OPCML: variants seen among roughly 807,000 people sequenced by gnomAD.
OPCML encodes opioid-binding protein/cell adhesion molecule.
Under a neutral mutation model 37.8 loss-of-function variants are expected in OPCML, and 13 were observed. That is an observed-to-expected ratio of 0.34 (90% CI 0.22 to 0.55). The LOEUF (loss-of-function observed/expected upper bound fraction) is 0.55. OPCML is among the 20% of genes least tolerant of loss of function. OPCML has a pLI of 0.91. For synonymous variants in OPCML, 176 were observed against 168.8 expected (o/e 1.04, Z -0.33); for missense variants, 341 against 435.6 (o/e 0.78, Z 1.93).
chr11:132,804,608 G>A (rs1938887622), intron 2 of OPCML, among the ~76,000 whole-genome samples: 1 of 152,190 alleles, frequency 6.6e-6, no homozygotes, highest in South Asian at 2.1e-4. Flanking sequence ...ACGAAGTCTA[G>A]TTGAGAGACC....
chr11:132,808,538 AT>A (rs1006169469), intron 2 of OPCML, among the ~76,000 whole-genome samples: 1 of 152,172 alleles, frequency 6.6e-6, no homozygotes, highest in East Asian at 1.9e-4. Context: ...GGGTTAACAC[AT>A]TTTTTTCCCA....
intron 4 of OPCML, among the ~76,000 whole-genome samples, chr11:132,498,081 T>C (rs2096237018): frequency 1.3e-5 from 2 of 152,214 alleles, no homozygotes; most frequent in Admixed American, 6.5e-5. Flanking sequence ...ACATATTCTA[T>C]ATTTTTATAG....
At chr11:133,329,830 T>C (rs1298902018) in intron 1 of OPCML, among the ~76,000 whole-genome samples, 3 of 152,058 alleles carry the variant, frequency 2.0e-5, no homozygotes, top group Non-Finnish European at 4.4e-5. Flanking sequence ...AAGCTAAAAT[T>C]GACAAATGAG....
intron 2 of OPCML, among the ~76,000 whole-genome samples, chr11:132,833,766 C>T (rs756648209): frequency 3.9e-5 from 6 of 152,166 alleles, no homozygotes; most frequent in Admixed American, 6.5e-5. Flanking sequence ...CCATTATAAT[C>T]ATATGGGACC....
intron 2 of OPCML, among the ~76,000 whole-genome samples, chr11:132,852,883 GA>G (rs2136333818): frequency 6.8e-6 from 1 of 147,550 alleles, no homozygotes; most frequent in South Asian, 2.2e-4. Flanking sequence ...ATCTTTTATT[GA>G]AAAAATTTTA....
intron 2 of OPCML, among the ~76,000 whole-genome samples, chr11:132,680,120 T>C (rs1201366601): frequency 6.6e-6 from 1 of 152,206 alleles, no homozygotes; most frequent in Admixed American, 6.5e-5. Flanking sequence ...TCAGGTGCTG[T>C]GAACCATTCT....
At chr11:132,989,520 T>G (rs1216887419) in intron 1 of OPCML, among the ~76,000 whole-genome samples, 3 of 151,854 alleles carry the variant, frequency 2.0e-5, no homozygotes, top group Non-Finnish European at 2.9e-5. Flanking sequence ...TTCTGAATGA[T>G]GGCTAAGGTA....
At chr11:132,784,494 T>G in intron 2 of OPCML, among the ~76,000 whole-genome samples, 1 of 152,168 alleles carries the variant, frequency 6.6e-6, no homozygotes, top group East Asian at 1.9e-4. Flanking sequence ...ACACAAGTGA[T>G]GGTGGCTGAC....
chr11:133,517,014 C>T (rs923753092), intron 1 of OPCML, among the ~76,000 whole-genome samples: 2 of 152,136 alleles, frequency 1.3e-5, no homozygotes, highest in African/African-American at 2.4e-5. Flanking sequence ...CATCCCCACG[C>T]GAAGTCCCAG....
chr11:133,446,601 T>G (rs975015905), intron 1 of OPCML, among the ~76,000 whole-genome samples: 4 of 152,120 alleles, frequency 2.6e-5, no homozygotes, highest in African/African-American at 9.7e-5. Context: ...CTAATGATCT[T>G]TAGTAAATTT....
At chr11:132,487,193 G>T (rs1301980143) in intron 4 of OPCML, among the ~76,000 whole-genome samples, 4 of 152,156 alleles carry the variant, frequency 2.6e-5, no homozygotes, top group South Asian at 2.1e-4. Context: ...GTTGACTCGG[G>T]TCACTGAGAG....
At chr11:133,023,067 T>C (rs942764857) in intron 1 of OPCML, among the ~76,000 whole-genome samples, 2 of 152,192 alleles carry the variant, frequency 1.3e-5, no homozygotes, top group Non-Finnish European at 2.9e-5. Flanking sequence ...GAAACACTGT[T>C]CTCAGATGAG....
At chr11:133,055,000 G>A (rs1413517857) in intron 1 of OPCML, among the ~76,000 whole-genome samples, 2 of 147,636 alleles carry the variant, frequency 1.4e-5, no homozygotes, top group African/African-American at 5.1e-5. Flanking sequence ...CTGCCTCCAT[G>A]ATACTTCCAA....
intron 3 of OPCML, among the ~76,000 whole-genome samples, chr11:132,590,116 C>T (rs1392713713): frequency 6.6e-6 from 1 of 152,142 alleles, no homozygotes; most frequent in Non-Finnish European, 1.5e-5. Context: ...AGCTGAATTC[C>T]TATCTTCCTA....
intron 2 of OPCML, among the ~76,000 whole-genome samples, chr11:132,915,485 C>T (rs141493822): frequency 1.3e-5 from 2 of 152,270 alleles, no homozygotes; most frequent in African/African-American, 4.8e-5. Flanking sequence ...AAGTACATCC[C>T]AAGAGTTTTT....
chr11:132,914,639 G>A (rs1158420320), intron 2 of OPCML, among the ~76,000 whole-genome samples: 1 of 152,196 alleles, frequency 6.6e-6, no homozygotes, highest in Non-Finnish European at 1.5e-5. Context: ...CAGTCACACT[G>A]CCCCTCAACA....
intron 2 of OPCML, among the ~76,000 whole-genome samples, chr11:132,715,845 G>A (rs1446584741): frequency 6.6e-6 from 1 of 152,148 alleles, no homozygotes; most frequent in African/African-American, 2.4e-5. Context: ...AGTCTACTGG[G>A]ATAATGATAC....
chr11:132,704,986 C>G (rs889983585), intron 2 of OPCML, among the ~76,000 whole-genome samples: 6 of 152,198 alleles, frequency 3.9e-5, no homozygotes, highest in Non-Finnish European at 8.8e-5. Context: ...ACAAGGCTGG[C>G]TCAGTGCTGA....
intron 1 of OPCML, among the ~76,000 whole-genome samples, chr11:133,415,368 C>T (rs917278914): frequency 1.3e-5 from 2 of 151,844 alleles, no homozygotes; most frequent in African/African-American, 4.8e-5. Context: ...CGAGATAGTG[C>T]CACCGCACTC....
Sources: allele counts gnomAD v4.1 joint callset (sites outside exome capture counted in the v4.1 genomes callset), GRCh38; gene constraint gnomAD v4.1.1; transcripts MANE v1.5; gene names NCBI Gene and HGNC (gene_info 2026-07-23, HGNC 2026-07-21).